KLHL32: variants seen among roughly 807,000 people sequenced by gnomAD.
KLHL32 encodes the protein kelch-like protein 32.
KLHL32 carries 35 observed loss-of-function variants against 64.8 expected under a neutral mutation model. That is an observed-to-expected ratio of 0.54 (90% confidence interval 0.41 to 0.72). The LOEUF is 0.72. Ranked by LOEUF, KLHL32 falls within the 30% of genes least tolerant of loss-of-function variation. KLHL32 has a pLI of 0.00. For missense variants in KLHL32, 589 were observed against 768.5 expected (o/e 0.77, Z 2.76); for synonymous variants, 259 against 281.0 (o/e 0.92, Z 0.78).
chr6:96,898,658 T>C, the KLHL32 span, among the ~76,000 whole-genome samples: 6 of 152,046 alleles, frequency 3.9e-5, no homozygotes, highest in African/African-American at 1.4e-4. Context: ...TAAGCCTCTG[T>C]GTAATTTAAT....
At chr6:97,012,598 A>AACT (rs1780555161) in intron 3 of KLHL32, among the ~76,000 whole-genome samples, 1 of 152,208 alleles carries the variant, frequency 6.6e-6, no homozygotes, top group African/African-American at 2.4e-5. Flanking sequence ...GTAGCAAGGA[A>AACT]ACTAATACAG....
At chr6:97,081,914 G>C (rs1426797269) in intron 5 of KLHL32, among the ~76,000 whole-genome samples, 1 of 152,210 alleles carries the variant, frequency 6.6e-6, no homozygotes, top group Non-Finnish European at 1.5e-5. Flanking sequence ...CCAAGCCAGG[G>C]TGGATAGGGT....
intron 2 of KLHL32, among the ~76,000 whole-genome samples, chr6:96,974,769 C>G (rs1015954459): frequency 2.6e-5 from 4 of 152,244 alleles, no homozygotes; most frequent in Non-Finnish European, 5.9e-5. Flanking sequence ...AGAGCCCTGC[C>G]AAATAAACCC....
intron 4 of KLHL32, among the ~76,000 whole-genome samples, chr6:97,061,236 C>T (rs1788836919): frequency 6.6e-6 from 1 of 152,158 alleles, no homozygotes; most frequent in South Asian, 2.1e-4. Context: ...GGAGAAGCCC[C>T]AGCTCTACAG....
chr6:97,027,975 G>A (rs185926923), intron 3 of KLHL32, among the ~76,000 whole-genome samples: 123 of 152,322 alleles, frequency 8.1e-4, no homozygotes, highest in African/African-American at 2.9e-3. Flanking sequence ...GCTATCAAGA[G>A]GGTGATTGGA....
chr6:96,951,571 A>T (rs1165452315), intron 1 of KLHL32, among the ~76,000 whole-genome samples: 1 of 152,118 alleles, frequency 6.6e-6, no homozygotes, highest in Non-Finnish European at 1.5e-5. Context: ...CACTACCATC[A>T]TCTTACCATC....
In KLHL32 at chr6:96,929,790, A is replaced by G. The variant is rs528408279; in HGVS notation, c.-66+4764A>G. 1.4e-3 allele frequency among the ~76,000 whole-genome samples: 219 copies of G among 152,328 alleles called. 2 individuals carry two copies. Among genetic ancestry groups the G allele is most frequent in the Non-Finnish European group, 2.7e-3 (184 of 68,022 alleles). On this transcript the variant is annotated intron_variant, in intron 1 of 10. Transcript: ENST00000369261. ...GGTGAGATTTTTAAACGAACTATGT[A>G]GGAAAAAAAACAGTTTTGCAGACTT... is the stretch of plus-strand genomic sequence containing the variant.
At chr6:97,074,329 C>G (rs1791244291) in intron 5 of KLHL32, among the ~76,000 whole-genome samples, 1 of 152,136 alleles carries the variant, frequency 6.6e-6, no homozygotes, top group African/African-American at 2.4e-5. Context: ...AGTTTGAGAA[C>G]TCCCGCTCTA....
the KLHL32 span, among the ~76,000 whole-genome samples, chr6:96,900,698 T>C: frequency 2.0e-5 from 3 of 152,380 alleles, no homozygotes; most frequent in Middle Eastern, 3.4e-3. Flanking sequence ...CATTCTGCGT[T>C]CTCCAAAGGA....
chr6:97,102,975 C>T (rs1795925698), intron 6 of KLHL32, among the ~76,000 whole-genome samples: 1 of 151,718 alleles, frequency 6.6e-6, no homozygotes, highest in Admixed American at 6.6e-5. Flanking sequence ...TTTTCTGCTC[C>T]TCTCCCTCCT....
chr6:96,898,777 T>G, the KLHL32 span, among the ~76,000 whole-genome samples: 1 of 152,202 alleles, frequency 6.6e-6, no homozygotes, highest in African/African-American at 2.4e-5. Context: ...GTTACTGTAG[T>G]GCTGCTTTTA....
intron 10 of KLHL32, among the ~76,000 whole-genome samples, chr6:97,133,663 T>C (rs1799678045): frequency 6.6e-6 from 1 of 152,234 alleles, no homozygotes; most frequent in Non-Finnish European, 1.5e-5. Context: ...TATCCTTAGT[T>C]ATATCTCCCT....
intron 6 of KLHL32, among the ~76,000 whole-genome samples, chr6:97,104,439 A>G (rs1490395290): frequency 2.6e-5 from 4 of 152,230 alleles, no homozygotes; most frequent in African/African-American, 9.6e-5. Context: ...CTAAAGGTGA[A>G]CATAATAACA....
At chr6:97,107,942 G>A (rs1163928799) in intron 6 of KLHL32, among the ~76,000 whole-genome samples, 2 of 152,144 alleles carry the variant, frequency 1.3e-5, no homozygotes, top group Non-Finnish European at 2.9e-5. Context: ...AGGATCAATT[G>A]GTTTGAAGTT....
At chr6:97,116,978 T>A (rs1163005079) in intron 7 of KLHL32, among the ~76,000 whole-genome samples, 1 of 152,210 alleles carries the variant, frequency 6.6e-6, no homozygotes, top group Non-Finnish European at 1.5e-5. Flanking sequence ...GTACTTGAGA[T>A]GAAAAACTCA....
chr6:96,909,782 T>C, the KLHL32 span, among the ~76,000 whole-genome samples: 1 of 152,104 alleles, frequency 6.6e-6, no homozygotes, highest in Non-Finnish European at 1.5e-5. Context: ...TTCAGAAGAG[T>C]TTGAAAGCAT....
chr6:97,003,770 T>C (rs1164034906), intron 3 of KLHL32, among the ~76,000 whole-genome samples: 3 of 152,238 alleles, frequency 2.0e-5, no homozygotes, highest in Non-Finnish European at 4.4e-5. Context: ...TTGCTTGTTT[T>C]TGTTGACTTT....
intron 1 of KLHL32, among the ~76,000 whole-genome samples, chr6:96,930,755 A>G (rs914042451): frequency 3.9e-5 from 6 of 152,068 alleles, no homozygotes; most frequent in Admixed American, 1.3e-4. Context: ...CTTGGACTCA[A>G]TGATGTCTTT....
intron 3 of KLHL32, among the ~76,000 whole-genome samples, chr6:97,030,580 T>C (rs1396535663): frequency 6.6e-6 from 1 of 152,182 alleles, no homozygotes; most frequent in African/African-American, 2.4e-5. Context: ...AAAGACAAAA[T>C]CTTGTGAACC....
Sources: allele counts gnomAD v4.1 joint callset (sites outside exome capture counted in the v4.1 genomes callset), GRCh38; gene constraint gnomAD v4.1.1; transcripts MANE v1.5; gene names NCBI Gene and HGNC (gene_info 2026-07-23, HGNC 2026-07-21).